ACACB: variants seen among roughly 807,000 people sequenced by gnomAD.
The protein encoded by ACACB is acetyl-CoA carboxylase beta, also known as acetyl-CoA carboxylase 2.
In ACACB, 209 loss-of-function variants were observed where a neutral mutation model predicts 278.8. The observed-to-expected ratio is 0.75, with a 90% CI of 0.67 to 0.84. ACACB has a LOEUF of 0.84. Among genes scored for constraint, ACACB ranks in the 40% least tolerant of loss-of-function variants. ACACB has a pLI of 0.00. For synonymous variants in ACACB, 1,174 were observed against 1,285.6 expected, an observed-to-expected ratio of 0.91 and a Z score of 1.86; for missense variants, 2,850 against 3,269.0, an observed-to-expected ratio of 0.87 and a Z score of 3.13.
chr12:109,137,128 T>A (rs971153589), intron 1 of ACACB, among the ~76,000 whole-genome samples: 1 of 152,154 alleles, frequency 6.6e-6, no homozygotes, highest in Admixed American at 6.5e-5. Flanking sequence ...TCCATTAATG[T>A]GGCATGTTAC....
At chr12:109,181,229 C>CT (rs1219593155) in intron 11 of ACACB, among the ~76,000 whole-genome samples, 20,559 of 130,686 alleles carry the variant, frequency 0.16, 2,646 homozygotes, top group African/African-American at 0.34. Flanking sequence ...TTTTTCTTTT[C>CT]TTTTTTTTTT....
At chr12:109,180,282 C>G (rs2044422821) in intron 11 of ACACB, among the ~76,000 whole-genome samples, 195 bp downstream of exon 11, 1 of 152,230 alleles carries the variant, frequency 6.6e-6, no homozygotes, top group South Asian at 2.1e-4. Context: ...TCAGGACATT[C>G]ATAGACCTAG....
At chr12:109,152,880 G>A (rs2043416893) in intron 2 of ACACB, among the ~76,000 whole-genome samples, 1 of 152,114 alleles carries the variant, frequency 6.6e-6, no homozygotes, top group African/African-American at 2.4e-5. Context: ...CTGGCCTCAA[G>A]TGATCTGCCT....
intron 12 of ACACB, among the ~76,000 whole-genome samples, chr12:109,187,197 A>C (rs1049267809): frequency 2.6e-5 from 4 of 152,066 alleles, no homozygotes; most frequent in Non-Finnish European, 4.4e-5. Flanking sequence ...AATACCAACG[A>C]AATGGCCTCT....
intron 48 of ACACB, among the ~76,000 whole-genome samples, chr12:109,261,869 T>TAAAA (rs553780682): frequency 1.5e-5 from 1 of 66,864 alleles, no homozygotes. Flanking sequence ...AGACCCTGTC[T>TAAAA]AAAAAAAAAA....
rs1315215749 is a variant in ACACB at position 109,193,663 on chromosome 12, A to G, written c.2415A>G (p.Pro805=). Residue 805 remains proline (P), a synonymous_variant, in exon 16 of 53, where the codon CCA becomes CCG. Coordinates refer to ENST00000338432, the MANE Select transcript of ACACB (RefSeq NM_001093.4). ...TTTCTTTCAGGGGCCAGGTCCTCCC[A>G]GCGGATTCACTACTGAACCTCGTAG... ...LHSLERGQVL[P]ADSLLNLVDV... 1.2e-6 allele frequency: 2 copies of G among 1,613,874 alleles called. No individual in the cohort carries two copies. The highest frequency in any genetic ancestry group is 2.2e-5 in the South Asian group (2 of 91,078).
intron 7 of ACACB, 49 bp from the exon 8 acceptor site, chr12:109,175,882 G>T (rs371409246): frequency 6.5e-7 from 1 of 1,543,924 alleles, no homozygotes; most frequent in Non-Finnish European, 9.0e-7. Context: ...TGGGTTGTGT[G>T]TGTTTCTCCT....
intron 28 of ACACB, among the ~76,000 whole-genome samples, 169 bp from the exon 29 acceptor site, chr12:109,232,500 C>A (rs890323695): frequency 7.2e-5 from 11 of 152,170 alleles, no homozygotes; most frequent in Admixed American, 4.6e-4. Context: ...AGATGAGACC[C>A]TCCTCAGGCC....
chr12:109,254,247 A>T lies in ACACB; in HGVS notation c.6079A>T (p.Thr2027Ser). 1 of 1,613,532 alleles carries T rather than the reference A, an allele frequency of 6.2e-7. No homozygotes were observed. Among genetic ancestry groups the T allele is most frequent in the Non-Finnish European group, 8.5e-7 (1 of 1,179,668 alleles). The change falls in exon 44 of 53, where the codon ACT (threonine) becomes TCT (serine). Residue 2027 changes from threonine to serine, a missense_variant. Physicochemically the swap from Thr to Ser is moderately conservative, Grantham distance 58 (BLOSUM62 1). Transcript: ENST00000338432. ...NHSPVPIITP[T>S]DPIDREIEFL... ...CAGCCCTGTCCCTATCATCACACCC[A>T]CTGACCCCATTGACAGAGAAATTGA...
At chr12:109,179,008 A>G (rs932128742) in intron 9 of ACACB, 80 bp from the exon 10 acceptor site, 29 of 1,357,358 alleles carry the variant, frequency 2.1e-5, no homozygotes, top group Non-Finnish European at 2.9e-5. Flanking sequence ...CGTTTGTTTT[A>G]TGTTCTCTCC....
chr12:109,152,568 G>A (rs1453055770), intron 2 of ACACB, among the ~76,000 whole-genome samples: 1 of 149,326 alleles, frequency 6.7e-6, no homozygotes, highest in Non-Finnish European at 1.5e-5. Context: ...GGCCCAGGGT[G>A]TTTATGTTGT....
intron 1 of ACACB, among the ~76,000 whole-genome samples, chr12:109,133,399 T>G (rs2042881401): frequency 1.3e-5 from 2 of 151,922 alleles, no homozygotes; most frequent in Admixed American, 1.3e-4. Flanking sequence ...CATGGCTAAT[T>G]TTTATATTTT....
intron 9 of ACACB, 35 bp downstream of exon 9, chr12:109,176,298 C>G: frequency 6.4e-7 from 1 of 1,569,302 alleles, no homozygotes; most frequent in African/African-American, 1.3e-5. Flanking sequence ...TCGCATCTGT[C>G]TTTGGGAATT....
At chr12:109,138,491 A>T (rs1410987850) in intron 1 of ACACB, among the ~76,000 whole-genome samples, 2 of 152,102 alleles carry the variant, frequency 1.3e-5, no homozygotes, top group Non-Finnish European at 2.9e-5. Flanking sequence ...CTATATGATA[A>T]TAATACTAGA....
At chr12:109,115,891 G>A (rs1051355046), upstream of ACACB, among the ~76,000 whole-genome samples, 10 of 152,198 alleles carry the variant, frequency 6.6e-5, no homozygotes, top group African/African-American at 2.2e-4. Flanking sequence ...CACCTTCCCT[G>A]TTGCCTGAGC....
At chr12:109,240,196 T>C (rs1452323694) in intron 35 of ACACB, among the ~76,000 whole-genome samples, 2 of 152,210 alleles carry the variant, frequency 1.3e-5, no homozygotes, top group African/African-American at 4.8e-5. Flanking sequence ...AATGCTTTAC[T>C]TTAAGGATGA....
chr12:109,151,397 C>CT (rs2043372654), intron 2 of ACACB, among the ~76,000 whole-genome samples: 2 of 152,102 alleles, frequency 1.3e-5, no homozygotes, highest in African/African-American at 4.8e-5. Context: ...TCCCCTCCCC[C>CT]TTAAGCATCA....
chr12:109,253,914 C>G (rs2047159557), intron 43 of ACACB, among the ~76,000 whole-genome samples: 1 of 152,130 alleles, frequency 6.6e-6, no homozygotes, highest in African/African-American at 2.4e-5. Flanking sequence ...GTTTTTCCTC[C>G]TATCTGACCA....
intron 2 of ACACB, among the ~76,000 whole-genome samples, chr12:109,160,498 G>A (rs1015430530): frequency 1.4e-4 from 21 of 152,152 alleles, no homozygotes; most frequent in Admixed American, 1.2e-3. Context: ...CTTGTGCTCC[G>A]GCAGCTGACT....
Sources: allele counts gnomAD v4.1 joint callset (sites outside exome capture counted in the v4.1 genomes callset), GRCh38; gene constraint gnomAD v4.1.1; transcripts MANE v1.5; gene names NCBI Gene and HGNC (gene_info 2026-07-23, HGNC 2026-07-21).